The following CEP350 variants were observed in gnomAD, a reference collection of about 807,000 sequenced individuals.
CEP350 encodes centrosome-associated protein 350.
CEP350 carries 126 observed loss-of-function variants against 331.8 expected under a neutral mutation model. The ratio of observed to expected loss-of-function variants is 0.38; its 90% CI spans 0.33 to 0.44. CEP350 has a LOEUF of 0.44. CEP350 is among the 20% of genes least tolerant of loss of function. CEP350 has a pLI of 1.00. For synonymous variants in CEP350, 1,200 were observed against 1,259.5 expected, an observed-to-expected ratio of 0.95 and a Z score of 1.00; for missense variants, 3,406 against 3,634.6, an observed-to-expected ratio of 0.94 and a Z score of 1.62.
intron 1 of CEP350, among the ~76,000 whole-genome samples, chr1:179,974,984 G>A (rs1256282953): frequency 1.3e-5 from 2 of 151,652 alleles, no homozygotes; most frequent in Admixed American, 6.6e-5. Flanking sequence ...GAGCAAGACC[G>A]TGTCTCTAAA....
At chr1:180,059,693 G>A (rs909459711) in intron 25 of CEP350, among the ~76,000 whole-genome samples, 3 of 151,262 alleles carry the variant, frequency 2.0e-5, no homozygotes, top group Non-Finnish European at 2.9e-5. Context: ...GTGCTAATTC[G>A]GATTTGAGTG....
At position 180,056,318 on chromosome 1, in the gene CEP350, C is replaced by T. The variant is rs111962658; in HGVS notation, c.5262+1816C>T. On this transcript the variant is annotated intron_variant, in intron 25 of 37. Transcript: ENST00000367607. ...TCCTCTTAAGATTATTTAAAAATTACCCAGTTTTTCAGTAGTTTTACTATG... is the reference window on the plus strand; with the variant it reads ...TCCTCTTAAGATTATTTAAAAATTATCCAGTTTTTCAGTAGTTTTACTATG... 5.5e-3 allele frequency among the ~76,000 whole-genome samples: 833 copies of T among 152,076 alleles called. 8 individuals carry two copies. The highest frequency in any genetic ancestry group is 0.019 in the African/African-American group (784 of 41,496).
intron 14 of CEP350, among the ~76,000 whole-genome samples, chr1:180,025,432 T>C (rs578022102): frequency 6.6e-6 from 1 of 152,204 alleles, no homozygotes; most frequent in African/African-American, 2.4e-5. Context: ...TCAGTAAATA[T>C]TTTTGAGTGA....
At chr1:180,013,022 G>A (rs1654756319) in intron 9 of CEP350, among the ~76,000 whole-genome samples, 1 of 152,130 alleles carries the variant, frequency 6.6e-6, no homozygotes, top group South Asian at 2.1e-4. Context: ...AAGCAAAATA[G>A]ACCCAAATCC....
intron 36 of CEP350, 94 bp downstream of exon 36, chr1:180,096,278 A>T: frequency 1.4e-6 from 2 of 1,380,682 alleles, no homozygotes; most frequent in East Asian, 2.5e-5. Flanking sequence ...CTTCTGTATG[A>T]TTAACCTTTG....
intron 37 of CEP350, among the ~76,000 whole-genome samples, chr1:180,100,921 G>A (rs928007547): frequency 2.0e-5 from 3 of 152,186 alleles, no homozygotes; most frequent in African/African-American, 4.8e-5. Context: ...TCCCACACAC[G>A]TGGGAATTCT....
At chr1:180,047,363 A>G (rs1293046845) in intron 21 of CEP350, among the ~76,000 whole-genome samples, 1 of 152,188 alleles carries the variant, frequency 6.6e-6, no homozygotes, top group Non-Finnish European at 1.5e-5. Flanking sequence ...GAAGCTTAAA[A>G]TCAAGGGAAG....
intron 1 of CEP350, among the ~76,000 whole-genome samples, chr1:179,962,372 ATTTTCT>A (rs1295394421): frequency 2.0e-5 from 3 of 151,828 alleles, no homozygotes; most frequent in Non-Finnish European, 4.4e-5. Flanking sequence ...TATGTACCAC[ATTTTCT>A]TTATCTAATC....
At position 180,100,029 on chromosome 1, in the gene CEP350, G is replaced by A. The variant is rs143659528; in HGVS notation, c.9189+1044G>A. Among the ~76,000 whole-genome samples the A allele has an allele frequency of 4.2e-3, 642 of 152,140 alleles. 2 individuals are homozygous for A. Among genetic ancestry groups the A allele is most frequent in the African/African-American group, 0.015 (609 of 41,488 alleles). On this transcript the variant is annotated intron_variant, in intron 37 of 37. Transcript: ENST00000367607. Reference sequence around the variant, plus strand: ...TCAAACTCCTGACCACAAGTGATCCGCCTGCCTTGGCCTCCCAAAGTGCTG... The same window carrying A: ...TCAAACTCCTGACCACAAGTGATCCACCTGCCTTGGCCTCCCAAAGTGCTG...
In CEP350 at chr1:180,041,119, T is replaced by C; in HGVS notation, c.4111-19T>C. On this transcript the variant is annotated intron_variant, in intron 17 of 37. Transcript: ENST00000367607. Reference sequence around the variant, plus strand: ...ATAGTTTCGTATCTGAGAATTAACATTTGACCATTATTTTGAAGGCACAAC... The same window carrying C: ...ATAGTTTCGTATCTGAGAATTAACACTTGACCATTATTTTGAAGGCACAAC... 1.3e-6 allele frequency: 2 copies of C among 1,547,432 alleles called. No homozygotes were observed. Among genetic ancestry groups the C allele is most frequent in the Non-Finnish European group, 1.8e-6 (2 of 1,137,266 alleles).
intron 6 of CEP350, among the ~76,000 whole-genome samples, chr1:180,000,154 A>T (rs894362782): frequency 6.6e-6 from 1 of 152,200 alleles, no homozygotes; most frequent in African/African-American, 2.4e-5. Context: ...AGAGAAACTG[A>T]TGTAGATAGT....
In CEP350 at chr1:180,078,286, C is replaced by T. The variant is rs537572135; in HGVS notation, c.5768-177C>T. Among the ~76,000 whole-genome samples the T allele has an allele frequency of 3.3e-5, 5 of 152,234 alleles. No homozygotes were observed. In the East Asian group the frequency reaches 9.6e-4, roughly 29 times the overall value. ...ATTTGCACAGAGAGAGACAAATAGA[C>T]TGTGAAATAGATAACCCAGAAATAG... On this transcript the variant is annotated intron_variant, in intron 28 of 37. Coordinates refer to ENST00000367607, the MANE Select transcript of CEP350 (RefSeq NM_014810.5).
chr1:179,979,240 T>G (rs528784942), intron 1 of CEP350, among the ~76,000 whole-genome samples: 2 of 152,142 alleles, frequency 1.3e-5, no homozygotes, highest in Non-Finnish European at 2.9e-5. Context: ...TGTTGTTGTC[T>G]TTTTGGTAAT....
chr1:180,105,956 C>T (rs1038379127), intron 37 of CEP350, among the ~76,000 whole-genome samples: 4 of 152,158 alleles, frequency 2.6e-5, no homozygotes, highest in South Asian at 2.1e-4. Context: ...CCTCTGTTAG[C>T]CAAATGAGAA....
Position 180,016,090 on chromosome 1 carries a change from A to G in CEP350, c.2174+120A>G, listed in dbSNP as rs1654952119. The G allele has an allele frequency of 1.5e-5, 17 of 1,158,512 alleles. 1 individual carries two copies. In the South Asian group the frequency reaches 2.5e-4, roughly 17 times the overall value. The allele number at this position is 1,158,512 out of a possible 1,614,324, so 71.8% of individuals were successfully genotyped here. ...AGAGGGCAGAGAGGTTTATTTACAA[A>G]TTGGTTCATATCTTCTGAAATTTAG... is the stretch of plus-strand genomic sequence containing the variant. On this transcript the variant is annotated intron_variant, in intron 11 of 37. Transcript: ENST00000367607.
chr1:180,027,916 A>G (rs1313287498), intron 14 of CEP350, among the ~76,000 whole-genome samples: 2 of 152,172 alleles, frequency 1.3e-5, no homozygotes, highest in East Asian at 3.9e-4. Context: ...ATAGCCTTTC[A>G]GAAAGTTAGT....
At chr1:179,957,775 C>T (rs1650283165) in intron 1 of CEP350, among the ~76,000 whole-genome samples, 1 of 152,128 alleles carries the variant, frequency 6.6e-6, no homozygotes. Context: ...GTGGAAACTT[C>T]ATTTACTATT....
intron 34 of CEP350, chr1:180,095,148 G>GT (rs1432064674): frequency 5.5e-6 from 1 of 183,002 alleles, no homozygotes; most frequent in Non-Finnish European, 1.2e-5. Context: ...CCCATGGACA[G>GT]TTGAGCAAAA....
chr1:180,016,119 T>A, intron 11 of CEP350, 149 bp downstream of exon 11: 1 of 856,574 alleles, frequency 1.2e-6, no homozygotes. Context: ...AATTTAGGCA[T>A]AGTGCACATC....
Sources: gnomAD v4.1 joint callset for allele counts (sites outside exome capture counted in the v4.1 genomes callset) on GRCh38, gnomAD v4.1.1 for gene constraint, MANE v1.5 for transcripts, NCBI Gene and HGNC (gene_info 2026-07-23, HGNC 2026-07-21) for gene names.